Variants in MYH13 observed in about 807,000 individuals in gnomAD.
MYH13 encodes myosin-13.
In MYH13, 177 loss-of-function variants were observed where a neutral mutation model predicts 232.1. The ratio of observed to expected loss-of-function variants is 0.76; its 90% CI spans 0.67 to 0.86. The LOEUF is 0.86. MYH13 is among the 40% of genes least tolerant of loss of function. MYH13 has a pLI of 0.00. For synonymous variants in MYH13, 884 were observed against 923.5 expected (o/e 0.96, Z 0.78); for missense variants, 2,246 against 2,405.9 (o/e 0.93, Z 1.39).
At chr17:10,327,830 G>A in intron 22 of MYH13, 36 bp downstream of exon 22, 1 of 1,596,570 alleles carries the variant, frequency 6.3e-7, no homozygotes, top group Non-Finnish European at 8.5e-7. Context: ...GTCCTCCAGA[G>A]TCTGTGTTTT....
chr17:10,340,412 A>G lies in MYH13; in HGVS notation c.1895-11T>C. 6.2e-7 allele frequency: 1 copy of G among 1,608,936 alleles called. No homozygotes were observed. The highest frequency in any genetic ancestry group is 8.5e-7 in the Non-Finnish European group (1 of 1,176,934). ...TTCCTCCGGAGTCGCCTGGAGACAG[A>G]CACAGAAGAGCGTGTTAGATGCATC... On this transcript the variant is annotated splice_polypyrimidine_tract_variant and intron_variant, in intron 16 of 40. Transcript: ENST00000252172.
At chr17:10,321,235 C>CAAT (rs1342706625) in intron 24 of MYH13, among the ~76,000 whole-genome samples, 4 of 152,176 alleles carry the variant, frequency 2.6e-5, no homozygotes, top group Admixed American at 2.6e-4. Context: ...GTGATGATAG[C>CAAT]AATAGTAGCA....
intron 28 of MYH13, 35 bp from the exon 29 acceptor site, chr17:10,315,846 C>T: frequency 1.9e-6 from 3 of 1,613,984 alleles, no homozygotes; most frequent in South Asian, 1.1e-5. Flanking sequence ...GTCAGTGTTA[C>T]TGACCACCCT....
intron 23 of MYH13, among the ~76,000 whole-genome samples, chr17:10,322,174 T>C (rs570266314): frequency 4.6e-5 from 7 of 151,780 alleles, no homozygotes; most frequent in Non-Finnish European, 8.8e-5. Flanking sequence ...GGACGGATCA[T>C]GAGGTCAGGA....
In MYH13 at chr17:10,306,943, G is replaced by T; in HGVS notation, c.5291C>A (p.Thr1764Lys). Residue 1764 changes from threonine to lysine, a missense_variant, in exon 36 of 41, where the codon ACG becomes AAG. Physicochemically the swap from Thr to Lys is moderately conservative, Grantham distance 78 (BLOSUM62 -1). Transcript: ENST00000252172. This position sits in a 1 kb window ranked among gnomAD's most constrained non-coding sequence, Gnocchi z 4.3. ...AAAAGGAAGAACAGAGCTCACATCC[G>T]TGATGGCCTTCTTGGCCTTCTCCTC... ...NAEEKAKKAI[T>K]DAAMMAEELK... is the part of the protein sequence containing the mutation. The T allele has an allele frequency of 1.9e-6, 3 of 1,613,524 alleles. No homozygotes were observed. Among genetic ancestry groups the T allele is most frequent in the Admixed American group, 3.3e-5 (2 of 60,026 alleles).
intron 15 of MYH13, 106 bp downstream of exon 15, chr17:10,345,096 C>A: frequency 9.6e-6 from 15 of 1,569,934 alleles, no homozygotes; most frequent in Non-Finnish European, 1.2e-5. Context: ...TGAAGGCTTG[C>A]AGCCTGGGGG....
At position 10,341,641 on chromosome 17, in the gene MYH13, G is replaced by A. The variant is rs188123776; in HGVS notation, c.1895-1240C>T. ...TTTCCCTTCATCCCACTTTGTCCCC[G>A]GGGTCTAGCATGACTGTGTGTTTGG... On this transcript the variant is annotated intron_variant, in intron 16 of 40. Coordinates refer to ENST00000252172, the MANE Select transcript of MYH13 (RefSeq NM_003802.3). Among the ~76,000 whole-genome samples the A allele has an allele frequency of 8.5e-5, 13 of 152,172 alleles. No homozygotes were observed. In the East Asian group the frequency reaches 2.1e-3, roughly 25 times the overall value.
At chr17:10,347,056 T>C (rs956547437) in intron 12 of MYH13, among the ~76,000 whole-genome samples, 1 of 152,126 alleles carries the variant, frequency 6.6e-6, no homozygotes. Flanking sequence ...GACCTACTGA[T>C]ATTTCGATTT....
rs1907108627 is a variant in MYH13 at position 10,324,114 on chromosome 17, C to T, written c.2842G>A (p.Glu948Lys). ...CTCTTGAGAGAGGAGCATTTATCTT[C>T]CAGATTCCTCTTCTTGGCAACCAAT... Reference protein sequence around the residue: ...SELVAKKRNLEDKCSSLKRDI... With the variant: ...SELVAKKRNLKDKCSSLKRDI... Residue 948 changes from glutamate to lysine, a missense_variant, in exon 23 of 41, where the codon GAA (glutamate) becomes AAA (lysine). Coordinates refer to ENST00000252172, the MANE Select transcript of MYH13 (RefSeq NM_003802.3). 1.2e-6 allele frequency: 2 copies of T among 1,613,976 alleles called. No homozygotes were observed. The highest frequency in any genetic ancestry group is 2.2e-5 in the East Asian group (1 of 44,870).
At chr17:10,302,784 G>A (rs556206981) in intron 39 of MYH13, among the ~76,000 whole-genome samples, 2 of 152,232 alleles carry the variant, frequency 1.3e-5, no homozygotes, top group East Asian at 3.9e-4. Flanking sequence ...CTAGGAGGGT[G>A]GGCTGTGGTG....
At chr17:10,320,897 A>G (rs1339230509) in intron 24 of MYH13, among the ~76,000 whole-genome samples, 2 of 152,190 alleles carry the variant, frequency 1.3e-5, no homozygotes, top group East Asian at 3.9e-4. Flanking sequence ...TTATGCAACC[A>G]TGGGAGGCAA....
Position 10,331,339 on chromosome 17 carries a change from G to A in MYH13, c.2298+760C>T, listed in dbSNP as rs1297266396. Among the ~76,000 whole-genome samples the A allele has an allele frequency of 2.6e-5, 4 of 152,266 alleles. No homozygotes were observed. The South Asian group carries it at 6.2e-4, about 24-fold the overall frequency. ...CTTGCTGGAGACCCCCAGCCTGCCC[G>A]TTTCTGAGATGTGGATCTTTGGAGG... On this transcript the variant is annotated intron_variant, in intron 20 of 40. Coordinates refer to ENST00000252172, the MANE Select transcript of MYH13 (RefSeq NM_003802.3).
chr17:10,327,813 C>CT (rs769819348), intron 22 of MYH13, 53 bp downstream of exon 22: 208 of 1,582,446 alleles, frequency 1.3e-4, no homozygotes, highest in Non-Finnish European at 1.7e-4. Context: ...GTTCCTCCCC[C>CT]TTTTCTGTCC....
rs61745304 is a variant in MYH13, at chr17:10,319,145, G to A, written c.3383C>T (p.Ala1128Val). 0.011 allele frequency: 17,920 copies of A among 1,614,004 alleles called. 142 individuals are homozygous for A. The highest frequency in any genetic ancestry group is 0.014 in the Non-Finnish European group (16,111 of 1,179,998). Residue 1128 changes from alanine (A) to valine (V), a missense_variant, in exon 27 of 41, where the codon GCG becomes GTG. Coordinates refer to ENST00000252172, the MANE Select transcript of MYH13 (RefSeq NM_003802.3). ...AATCTTGGCTCTGAGCGTGTGTTCC[G>A]CTTCAATTTCCTCCTCCAGCTCTTC... ...RIEELEEEIEAEHTLRAKIEK... is the reference protein window; with the variant it reads ...RIEELEEEIEVEHTLRAKIEK...
At position 10,340,346 on chromosome 17, in the gene MYH13, G is replaced by A. The variant is rs769463392; in HGVS notation, c.1950C>T (p.Thr650=). The A allele has an allele frequency of 2.4e-5, 38 of 1,613,758 alleles. No homozygotes were observed. In the South Asian group the frequency reaches 2.7e-4, roughly 12 times the overall value. The change falls in exon 17 of 41, where the codon ACC becomes ACT. Residue 650 remains threonine (T), a synonymous_variant. Transcript: ENST00000252172. ...CACCAACCCTGAACACGGCCGACAC[G>A]GTCTGGAAAGAGGAGCCCTTCTTCT... ...GGKKKGSSFQ[T]VSAVFRENLN...
intron 40 of MYH13, 21 bp from the exon 41 acceptor site, chr17:10,300,986 T>C (rs764178852): frequency 6.2e-7 from 1 of 1,611,422 alleles, no homozygotes; most frequent in Non-Finnish European, 8.5e-7. Context: ...AAAAAATAAT[T>C]GTACATAGGA....
Position 10,318,788 on chromosome 17 carries a change from AC to A in MYH13, c.3738+1del. 1 of 1,613,934 alleles carries A rather than the reference AC, an allele frequency of 6.2e-7. No homozygotes were observed. On this transcript the variant is annotated splice_donor_variant, in intron 27 of 40. Coordinates refer to ENST00000252172, the MANE Select transcript of MYH13 (RefSeq NM_003802.3). LOFTEE classifies it high-confidence loss of function. ...CCAAGAGCAGAAGGGCCAGTCAGGT[AC>A]CTTTGACTTGGAGAGAGCCTCGATG...
At chr17:10,303,321 C>T (rs745996968) in intron 38 of MYH13, 30 bp from the exon 39 acceptor site, 54 of 1,613,158 alleles carry the variant, frequency 3.3e-5, no homozygotes, top group Middle Eastern at 3.3e-4. Context: ...GGCAGGGGCC[C>T]GCAAACCTAT....
At chr17:10,312,187 G>C in intron 31 of MYH13, 111 bp from the exon 32 acceptor site, 2 of 1,234,476 alleles carry the variant, frequency 1.6e-6, no homozygotes, top group South Asian at 2.9e-5. Context: ...CCATCCTTAG[G>C]GACTGAAGAA....
Sources: allele counts gnomAD v4.1 joint callset (sites outside exome capture counted in the v4.1 genomes callset), GRCh38; gene constraint gnomAD v4.1.1; non-coding constraint Gnocchi (gnomAD v3.1); transcripts MANE v1.5; gene names NCBI Gene and HGNC (gene_info 2026-07-23, HGNC 2026-07-21).